Variants in INPP4B observed in about 807,000 individuals in gnomAD.
INPP4B encodes the protein inositol polyphosphate-4-phosphatase type II B.
Under a neutral mutation model 122.5 loss-of-function variants are expected in INPP4B, and 55 were observed. That is an observed-to-expected ratio of 0.45 (90% CI 0.36 to 0.56). The LOEUF (loss-of-function observed/expected upper bound fraction) is 0.56, where lower values mean the gene tolerates loss of function less well. Among genes scored for constraint, INPP4B ranks in the 20% least tolerant of loss-of-function variants. The pLI is 0.00. For missense variants in INPP4B, 1,000 were observed against 1,097.7 expected (o/e 0.91, Z 1.26); for synonymous variants, 403 against 388.7 (o/e 1.04, Z -0.43).
At chr4:142,174,785 T>C (rs1447780369) in intron 15 of INPP4B, among the ~76,000 whole-genome samples, 13 of 151,890 alleles carry the variant, frequency 8.6e-5, no homozygotes, top group Admixed American at 8.5e-4. Flanking sequence ...CCATCACACC[T>C]GATTAAATTA....
rs1474175516 is a variant in INPP4B at position 142,026,256 on chromosome 4, G to A, written c.*2526C>T. The A allele has an allele frequency of 6.6e-6, 1 of 152,132 alleles. No homozygotes were observed. The highest frequency in any genetic ancestry group is 2.4e-5 in the African/African-American group (1 of 41,442). The allele number at this position is 152,132 out of a possible 1,614,324, so 9.4% of individuals were successfully genotyped here. On this transcript the variant is annotated 3_prime_UTR_variant, in exon 26 of 26. Coordinates refer to ENST00000262992, the MANE Select transcript of INPP4B (RefSeq NM_001101669.3). ...TTTAGCCTTAATAACTTAAGAAATA[G>A]TGAAGTGGTTGTTTAAGAATGAACT...
intron 12 of INPP4B, among the ~76,000 whole-genome samples, chr4:142,228,475 T>C (rs57623097): frequency 0.034 from 5,233 of 152,192 alleles, 290 homozygotes; most frequent in African/African-American, 0.12. Flanking sequence ...GTTGTTGTTG[T>C]CACTGTTTAA....
At chr4:142,545,734 C>CAT (rs142488079) in intron 2 of INPP4B, among the ~76,000 whole-genome samples, 1,495 of 105,334 alleles carry the variant, frequency 0.014, 11 homozygotes, top group African/African-American at 0.03. Flanking sequence ...TGTATATACA[C>CAT]ATATATGTGT....
intron 12 of INPP4B, among the ~76,000 whole-genome samples, chr4:142,214,833 G>A (rs1242374283): frequency 2.0e-5 from 3 of 152,254 alleles, no homozygotes; most frequent in East Asian, 3.9e-4. Flanking sequence ...GATTGCAGGC[G>A]TGAGCCACTG....
intron 9 of INPP4B, among the ~76,000 whole-genome samples, chr4:142,283,352 G>A (rs552348423): frequency 5.9e-5 from 9 of 152,188 alleles, no homozygotes; most frequent in Non-Finnish European, 1.2e-4. Flanking sequence ...CTTATTTAGT[G>A]TTCAATTATC....
chr4:142,042,512 GTGTGTGTATGTA>G (rs1254135197), intron 25 of INPP4B, among the ~76,000 whole-genome samples: 20 of 46,296 alleles, frequency 4.3e-4, no homozygotes, highest in Middle Eastern at 0.012. Flanking sequence ...CAATTTATGT[GTGTGTGTATGTA>G]TGTATGTATG....
intron 2 of INPP4B, among the ~76,000 whole-genome samples, chr4:142,607,785 T>C (rs938279513): frequency 5.9e-5 from 9 of 152,140 alleles, no homozygotes; most frequent in Non-Finnish European, 8.8e-5. Context: ...AGAACACTTA[T>C]AGCTTCCAGG....
intron 5 of INPP4B, among the ~76,000 whole-genome samples, chr4:142,419,042 T>G (rs1580003999): frequency 1.3e-5 from 2 of 152,148 alleles, no homozygotes; most frequent in African/African-American, 4.8e-5. Flanking sequence ...AATGTAAGGT[T>G]AGAGAAAAAG....
chr4:142,450,111 C>T (rs1352011051), intron 3 of INPP4B, among the ~76,000 whole-genome samples: 1 of 152,180 alleles, frequency 6.6e-6, no homozygotes, highest in Non-Finnish European at 1.5e-5. Context: ...AGCCTAGATT[C>T]TGTCCCCAGC....
At chr4:142,410,719 AGTAAAAGAAT>A (rs1331958660) in intron 5 of INPP4B, among the ~76,000 whole-genome samples, 3 of 152,222 alleles carry the variant, frequency 2.0e-5, no homozygotes, top group Non-Finnish European at 4.4e-5. Flanking sequence ...GCAAAATGGA[AGTAAAAGAAT>A]GTACTTCATA....
intron 9 of INPP4B, among the ~76,000 whole-genome samples, chr4:142,295,648 G>C (rs937909364): frequency 6.6e-6 from 1 of 152,090 alleles, no homozygotes; most frequent in Non-Finnish European, 1.5e-5. Context: ...AAAAGCTGCA[G>C]GCGACATGTG....
chr4:142,780,518 G>T (rs1423293622), intron 1 of INPP4B, among the ~76,000 whole-genome samples: 1 of 152,062 alleles, frequency 6.6e-6, no homozygotes, highest in Admixed American at 6.6e-5. Context: ...GAATTTCCAG[G>T]CCAGGCACGG....
chr4:142,530,495 G>C (rs1827461442), intron 2 of INPP4B, among the ~76,000 whole-genome samples: 1 of 150,208 alleles, frequency 6.7e-6, no homozygotes, highest in Non-Finnish European at 1.5e-5. Flanking sequence ...GAATAAACTA[G>C]TAAACAAATA....
At chr4:142,734,794 C>T (rs543345202) in intron 1 of INPP4B, among the ~76,000 whole-genome samples, 7 of 152,178 alleles carry the variant, frequency 4.6e-5, no homozygotes, top group South Asian at 2.1e-4. Context: ...TACAGGCATG[C>T]GCCAGCACGC....
At chr4:142,752,467 C>T in intron 1 of INPP4B, among the ~76,000 whole-genome samples, 1 of 152,234 alleles carries the variant, frequency 6.6e-6, no homozygotes, top group Non-Finnish European at 1.5e-5. Context: ...GTCCCTAAGG[C>T]TTGAAAGTAT....
chr4:142,763,830 T>G lies in INPP4B; in HGVS notation c.-253-37929A>C, dbSNP rs1396818970. Among the ~76,000 whole-genome samples the G allele has an allele frequency of 1.4e-4, 22 of 152,122 alleles. 1 individual carries two copies. Among genetic ancestry groups the G allele is most frequent in the African/African-American group, 4.8e-4 (20 of 41,442 alleles). On this transcript the variant is annotated intron_variant, in intron 1 of 25. Coordinates refer to ENST00000262992, the MANE Select transcript of INPP4B (RefSeq NM_001101669.3). ...TTACAAATTTTGCTTTGTAAAAATT[T>G]TTTTAAAAAATCAGCAAAGAAGCAA...
chr4:142,419,641 C>G (rs756768328), intron 5 of INPP4B, among the ~76,000 whole-genome samples: 10 of 152,126 alleles, frequency 6.6e-5, no homozygotes, highest in Non-Finnish European at 1.3e-4. Context: ...CCTTTGCCAA[C>G]TACAAAAGCT....
At chr4:142,545,727 A>G (rs1417366584) in intron 2 of INPP4B, among the ~76,000 whole-genome samples, 1 of 120,128 alleles carries the variant, frequency 8.3e-6, no homozygotes, top group Non-Finnish European at 1.7e-5. Flanking sequence ...ATATGTGTGT[A>G]TATACACATA....
chr4:142,260,363 C>T, intron 11 of INPP4B, 129 bp downstream of exon 11: 1 of 678,350 alleles, frequency 1.5e-6, no homozygotes, highest in Non-Finnish European at 2.7e-6. Flanking sequence ...TCTGCTGGCC[C>T]CTTATGATTT....
Sources: gnomAD v4.1 joint callset for allele counts (sites outside exome capture counted in the v4.1 genomes callset) on GRCh38, gnomAD v4.1.1 for gene constraint, MANE v1.5 for transcripts, NCBI Gene and HGNC (gene_info 2026-07-23, HGNC 2026-07-21) for gene names.